Variants in LCK observed in about 807,000 individuals in gnomAD.
The protein encoded by LCK is tyrosine-protein kinase Lck.
In LCK, 14 loss-of-function variants were observed where a neutral mutation model predicts 64.6. That is an observed-to-expected ratio of 0.22 (90% CI 0.14 to 0.34). The LOEUF is 0.34. Among genes scored for constraint, LCK ranks in the 10% least tolerant of loss-of-function variants. The probability of loss-of-function intolerance (pLI) is 1.00; values close to 1 mark genes in which losing one functional copy is unlikely to be tolerated. For synonymous variants in LCK, 277 were observed against 263.6 expected, an observed-to-expected ratio of 1.05 and a Z score of -0.49; for missense variants, 434 against 668.1, an observed-to-expected ratio of 0.65 and a Z score of 3.86.
intron 1 of LCK, among the ~76,000 whole-genome samples, chr1:32,254,204 C>CA (rs1639575238): frequency 6.6e-6 from 1 of 152,108 alleles, no homozygotes; most frequent in Non-Finnish European, 1.5e-5. Flanking sequence ...GCCTGGGTGA[C>CA]ACAGCTAGAT....
rs1447883331 is a variant in LCK at position 32,285,848 on chromosome 1, CAT to C, written c.*135_*136del. The C allele has an allele frequency of 6.8e-6, 6 of 886,860 alleles. No homozygotes were observed. In the East Asian group the frequency reaches 1.1e-4, roughly 16 times the overall value. 54.9% of individuals were successfully genotyped at this position (886,860 alleles called of 1,614,324 possible). ...ACATGAATCCCACCCACATGTGACA[CAT>C]ATGCACCTTGTGTCTGTACACGTGT... On this transcript the variant is annotated 3_prime_UTR_variant, in exon 13 of 13. Coordinates refer to ENST00000336890, the MANE Select transcript of LCK (RefSeq NM_005356.5).
Position 32,275,827 on chromosome 1 carries a change from T to C in LCK, c.482-87T>C. The C allele has an allele frequency of 1.3e-6, 2 of 1,500,750 alleles. No homozygotes were observed. Among genetic ancestry groups the C allele is most frequent in the African/African-American group, 1.5e-5 (1 of 68,038 alleles). 93.0% of individuals were successfully genotyped at this position (1,500,750 alleles called of 1,614,324 possible). On this transcript the variant is annotated intron_variant, in intron 6 of 12. Coordinates refer to ENST00000336890, the MANE Select transcript of LCK (RefSeq NM_005356.5). This position sits in a 1 kb window ranked among gnomAD's most constrained non-coding sequence, Gnocchi z 6.9. ...GCGCGGGATGACCCGGAGTTGGGGG[T>C]GCTGGGTGAGCCCAAGGTGGGGGCG... is the stretch of plus-strand genomic sequence containing the variant.
At chr1:32,256,700 T>G (rs1639640872) in intron 1 of LCK, among the ~76,000 whole-genome samples, 1 of 152,192 alleles carries the variant, frequency 6.6e-6, no homozygotes, top group African/African-American at 2.4e-5. Flanking sequence ...CCATTACATT[T>G]TTGTCAATAG....
At chr1:32,256,679 T>C (rs1223912812) in intron 1 of LCK, among the ~76,000 whole-genome samples, 1 of 152,132 alleles carries the variant, frequency 6.6e-6, no homozygotes, top group Non-Finnish European at 1.5e-5. Flanking sequence ...CAAGCAATCG[T>C]CCTACCTCAC....
In LCK at chr1:32,279,948, T is replaced by C; in HGVS notation, c.1149T>C (p.Phe383=). 1 of 1,614,210 alleles carries C rather than the reference T, an allele frequency of 6.2e-7. No homozygotes were observed. The highest frequency in any genetic ancestry group is 1.3e-5 in the African/African-American group (1 of 75,044). Residue 383 remains phenylalanine, a synonymous_variant, in exon 11 of 13, where the codon TTT becomes TTC. Transcript: ENST00000336890. ...SDTLSCKIAD[F]GLARLIEDNE... is the part of the protein sequence containing the mutation. ...CCCTGAGCTGCAAGATTGCAGACTT[T>C]GGCCTAGCACGCCTCATTGAGGACA...
At position 32,275,808 on chromosome 1, in the gene LCK, G is replaced by C. The variant is rs1640248737; in HGVS notation, c.482-106G>C. On this transcript the variant is annotated intron_variant, in intron 6 of 12. Transcript: ENST00000336890. This position sits in a 1 kb window ranked among gnomAD's most constrained non-coding sequence, Gnocchi z 6.9. ...GGATGAGCCCGAGGTGGGGGCGCGG[G>C]ATGACCCGGAGTTGGGGGTGCTGGG... 6.2e-6 allele frequency: 9 copies of C among 1,454,952 alleles called. No homozygotes were observed. In the Admixed American group the frequency reaches 1.7e-4, roughly 28 times the overall value. The allele number at this position is 1,454,952 out of a possible 1,614,324, so 90.1% of individuals were successfully genotyped here.
In LCK at chr1:32,275,962, T is replaced by C. The variant is rs1297382849; in HGVS notation, c.530T>C (p.Val177Ala). The change falls in exon 7 of 13, where the codon GTG (valine) becomes GCG (alanine). Residue 177 changes from valine to alanine, a missense_variant. Val to Ala is a moderately conservative substitution (Grantham distance 64, BLOSUM62 0). This residue lies in a region of LCK where 233 missense variants were observed against 291.2 expected (regional missense o/e 0.80). Transcript: ENST00000336890. This position sits in a 1 kb window ranked among gnomAD's most constrained non-coding sequence, Gnocchi z 6.9. ...VRDFDQNQGE[V>A]VKHYKIRNLD... ...GACTTCGACCAGAACCAGGGAGAGG[T>C]GGTGAAACATTACAAGATCCGTAAT... is the stretch of plus-strand genomic sequence containing the variant. 1.9e-6 allele frequency: 3 copies of C among 1,613,840 alleles called. No homozygotes were observed. In the African/African-American group the frequency reaches 4.0e-5, roughly 22 times the overall value.
intron 1 of LCK, among the ~76,000 whole-genome samples, chr1:32,270,592 A>G (rs549710043): frequency 8.6e-5 from 12 of 140,286 alleles, no homozygotes; most frequent in Non-Finnish European, 1.7e-4. Flanking sequence ...ACGGGGTTTC[A>G]CCATGTTGGT....
intron 1 of LCK, among the ~76,000 whole-genome samples, chr1:32,270,739 CTG>C (rs1445584902): frequency 5.6e-5 from 6 of 107,716 alleles, no homozygotes; most frequent in African/African-American, 2.2e-4. Context: ...GAATCTCACT[CTG>C]TTGCCAGGCT....
chr1:32,270,183 G>T (rs1640037642), intron 1 of LCK, among the ~76,000 whole-genome samples: 1 of 151,468 alleles, frequency 6.6e-6, no homozygotes, highest in African/African-American at 2.4e-5. Flanking sequence ...GCAGTGGCAG[G>T]ATCTAGGCTC....
At chr1:32,256,598 T>C (rs1557569656) in intron 1 of LCK, among the ~76,000 whole-genome samples, 1 of 146,198 alleles carries the variant, frequency 6.8e-6, no homozygotes, top group South Asian at 2.2e-4. Flanking sequence ...AACTCTGTCT[T>C]AAAAAAAAAA....
At chr1:32,284,129 C>T (rs1000356219) in intron 12 of LCK, among the ~76,000 whole-genome samples, 1 of 151,570 alleles carries the variant, frequency 6.6e-6, no homozygotes, top group African/African-American at 2.4e-5. Flanking sequence ...GTGATCCACC[C>T]GGCTTGGCCT....
chr1:32,254,207 A>T (rs1247739766), intron 1 of LCK, among the ~76,000 whole-genome samples: 1 of 152,144 alleles, frequency 6.6e-6, no homozygotes, highest in South Asian at 2.1e-4. Context: ...TGGGTGACAC[A>T]GCTAGATTCT....
In LCK at chr1:32,276,994, G is replaced by A. The variant is rs1640299331; in HGVS notation, c.964+208G>A. 2 of 422,036 alleles carry A rather than the reference G, an allele frequency of 4.7e-6. No homozygotes were observed. Among genetic ancestry groups the A allele is most frequent in the Non-Finnish European group, 8.4e-6 (2 of 237,010 alleles). The allele number at this position is 422,036 out of a possible 1,614,324, so 26.1% of individuals were successfully genotyped here. ...TTGGGAGCCGAGGCGGGCAGATCAC[G>A]AGGTCAGGAGTTCGAGACCAGCCTG... On this transcript the variant is annotated intron_variant, in intron 9 of 12. Coordinates refer to ENST00000336890, the MANE Select transcript of LCK (RefSeq NM_005356.5). This position sits in a 1 kb window ranked among gnomAD's most constrained non-coding sequence, Gnocchi z 4.6.
chr1:32,260,855 C>T (rs868507456), intron 1 of LCK, among the ~76,000 whole-genome samples: 7 of 152,102 alleles, frequency 4.6e-5, no homozygotes, highest in African/African-American at 1.4e-4. Context: ...CTCCTGGCCT[C>T]GAGTGATCCT....
At position 32,275,441 on chromosome 1, in the gene LCK, G is replaced by T; in HGVS notation, c.377+22G>T. Reference sequence around the variant, plus strand: ...AACCGTAAGTGGGGACCCGTCGTGGGGGTGGGTAGGAGCAGATCTAGGGAT... The same window carrying T: ...AACCGTAAGTGGGGACCCGTCGTGGTGGTGGGTAGGAGCAGATCTAGGGAT... On this transcript the variant is annotated intron_variant, in intron 5 of 12. Transcript: ENST00000336890. The surrounding 1 kb of genome is among the most constrained non-coding windows in gnomAD (Gnocchi z 6.9). The T allele has an allele frequency of 6.2e-7, 1 of 1,611,840 alleles. No homozygotes were observed. The highest frequency in any genetic ancestry group is 8.5e-7 in the Non-Finnish European group (1 of 1,178,186).
rs570206761 is a variant in LCK, at chr1:32,263,948, G to T, written c.-5-10377G>T. On this transcript the variant is annotated intron_variant, in intron 1 of 12. Coordinates refer to ENST00000336890, the MANE Select transcript of LCK (RefSeq NM_005356.5). ...AAAAAAGAAGAAGACCGGAAGGATGGGGTATACCCACATTTTGTATAAACA... is the reference window on the plus strand; with the variant it reads ...AAAAAAGAAGAAGACCGGAAGGATGTGGTATACCCACATTTTGTATAAACA... Among the ~76,000 whole-genome samples the T allele has an allele frequency of 2.6e-5, 4 of 152,094 alleles. No individual in the cohort carries two copies. In the East Asian group the frequency reaches 7.7e-4, roughly 29 times the overall value.
intron 1 of LCK, among the ~76,000 whole-genome samples, chr1:32,268,484 TATA>T (rs1159122247): frequency 3.3e-5 from 5 of 151,000 alleles, no homozygotes; most frequent in Admixed American, 1.3e-4. Context: ...AGCTAGTTTT[TATA>T]ATAATAATAA....
intron 9 of LCK, among the ~76,000 whole-genome samples, chr1:32,278,350 CTT>C (rs879932791): frequency 6.8e-6 from 1 of 146,592 alleles, no homozygotes; most frequent in African/African-American, 2.5e-5. Context: ...TCATGTGTAT[CTT>C]TTTTTTTTTT....
Sources: allele counts gnomAD v4.1 joint callset (sites outside exome capture counted in the v4.1 genomes callset), GRCh38; gene constraint gnomAD v4.1.1; regional missense constraint gnomAD v4.1.1; non-coding constraint Gnocchi (gnomAD v3.1); transcripts MANE v1.5; gene names NCBI Gene and HGNC (gene_info 2026-07-23, HGNC 2026-07-21).